FLACC1: variants seen among roughly 807,000 people sequenced by gnomAD.
FLACC1 encodes the protein flagellum associated containing coiled-coil domains 1.
Under a neutral mutation model 62.8 loss-of-function variants are expected in FLACC1, and 66 were observed. The ratio of observed to expected loss-of-function variants is 1.05; its 90% CI spans 0.86 to 1.29. The LOEUF (loss-of-function observed/expected upper bound fraction) is 1.29, where lower values mean the gene tolerates loss of function less well. Ranked by LOEUF, FLACC1 falls within the 50% of genes most tolerant of loss-of-function variation. The pLI, the probability that FLACC1 is intolerant of heterozygous loss-of-function variation, is 0.00. For synonymous variants in FLACC1, 156 were observed against 161.0 expected (o/e 0.97, Z 0.24); for missense variants, 452 against 489.1 (o/e 0.92, Z 0.71).
At chr2:201,340,018 T>C (rs10197246) in intron 7 of FLACC1, among the ~76,000 whole-genome samples, 109,843 of 151,954 alleles carry the variant, frequency 0.72, 40,063 homozygotes, top group South Asian at 0.83. Flanking sequence ...TTGGGTGGTC[T>C]TGTCCTCAGG....
intron 10 of FLACC1, 75 bp from the exon 11 acceptor site, chr2:201,307,697 T>A: frequency 1.8e-6 from 2 of 1,106,800 alleles, no homozygotes; most frequent in Non-Finnish European, 2.8e-6. Flanking sequence ...CCAGAATATC[T>A]AAAGATAAAA....
Position 201,307,605 on chromosome 2 carries a change from T to G in FLACC1, c.793A>C (p.Lys265Gln). 1 of 1,614,008 alleles carries G rather than the reference T, an allele frequency of 6.2e-7. No individual in the cohort carries two copies. The highest frequency in any genetic ancestry group is 8.5e-7 in the Non-Finnish European group (1 of 1,179,842). ...LLQQKKKMTK[K>Q]FEMESGEEDK... ...TCTTCTCCTGACTCCATTTCGAATT[T>G]TTTGGTCATCTTTTTTTCTGTGGAA... Residue 265 changes from lysine (K) to glutamine (Q), a missense_variant, in exon 11 of 15, where the codon AAA becomes CAA. Physicochemically the swap from Lys to Gln is moderately conservative, Grantham distance 53 (BLOSUM62 1). This residue lies in a region of FLACC1 where 301 missense variants were observed against 318.4 expected (regional missense o/e 0.95). Coordinates refer to ENST00000392257, the MANE Select transcript of FLACC1 (RefSeq NM_001127391.3).
At chr2:201,350,940 C>T (rs1006295024) in intron 2 of FLACC1, among the ~76,000 whole-genome samples, 158 bp from the exon 3 acceptor site, 2 of 152,168 alleles carry the variant, frequency 1.3e-5, no homozygotes, top group Admixed American at 6.5e-5. Context: ...AAACTCAGGC[C>T]CAAGGCCCTG....
At chr2:201,344,904 TCTAA>T (rs1342478572) in intron 5 of FLACC1, among the ~76,000 whole-genome samples, 1 of 152,194 alleles carries the variant, frequency 6.6e-6, no homozygotes, top group Non-Finnish European at 1.5e-5. Context: ...ACTTTGCATG[TCTAA>T]CTGAGCACAG....
chr2:201,332,098 T>C (rs1460339229), intron 7 of FLACC1, among the ~76,000 whole-genome samples: 9 of 152,134 alleles, frequency 5.9e-5, no homozygotes, highest in Non-Finnish European at 1.2e-4. Context: ...GTGCTGTCTC[T>C]CCACCAGGAT....
Position 201,342,364 on chromosome 2 carries a change from G to A in FLACC1, c.524+6C>T, listed in dbSNP as rs779442581. On this transcript the variant is annotated splice_donor_region_variant and intron_variant, in intron 7 of 14. Coordinates refer to ENST00000392257, the MANE Select transcript of FLACC1 (RefSeq NM_001127391.3). Reference sequence around the variant, plus strand: ...CACACACAAGGGTCCATGCCAGAAAGTGTACCTGTTCTTGTTTTCAAAGTT... The same window carrying A: ...CACACACAAGGGTCCATGCCAGAAAATGTACCTGTTCTTGTTTTCAAAGTT... 3 of 1,613,972 alleles carry A rather than the reference G, an allele frequency of 1.9e-6. No individual in the cohort carries two copies. In the African/African-American group the frequency reaches 4.0e-5, roughly 22 times the overall value.
rs543939464 is a variant in FLACC1, at chr2:201,311,023, C to T, written c.676-1773G>A. ...ATCATTATGAACATCTGTATGCATA[C>T]AAACAAGAAAATCTAGAGGAAATGG... On this transcript the variant is annotated intron_variant, in intron 9 of 14. Coordinates refer to ENST00000392257, the MANE Select transcript of FLACC1 (RefSeq NM_001127391.3). 2.6e-5 allele frequency among the ~76,000 whole-genome samples: 4 copies of T among 151,858 alleles called. No homozygotes were observed. The South Asian group carries it at 8.3e-4, about 32-fold the overall frequency.
At chr2:201,362,918 C>A in the FLACC1 span, among the ~76,000 whole-genome samples, 11 of 152,138 alleles carry the variant, frequency 7.2e-5, no homozygotes, top group Non-Finnish European at 1.6e-4. Flanking sequence ...TGCTCTCCCG[C>A]TTTGCAGGCC....
At chr2:201,339,625 A>AT (rs969460241) in intron 7 of FLACC1, among the ~76,000 whole-genome samples, 2 of 151,710 alleles carry the variant, frequency 1.3e-5, no homozygotes, top group African/African-American at 4.8e-5. Context: ...GTTTCAAGAA[A>AT]TTTTTTTTAT....
At chr2:201,289,366 A>C (rs565600554) in intron 14 of FLACC1, 91 bp downstream of exon 14, 2 of 1,175,298 alleles carry the variant, frequency 1.7e-6, no homozygotes, top group African/African-American at 1.5e-5. Context: ...ACTAGGGAGC[A>C]GTTGGTCTAT....
intron 7 of FLACC1, among the ~76,000 whole-genome samples, chr2:201,332,201 T>C (rs1950608081): frequency 6.6e-6 from 1 of 152,044 alleles, no homozygotes; most frequent in Admixed American, 6.6e-5. Context: ...TGTGGAATAA[T>C]GAAACCAAAC....
chr2:201,363,662 G>T, the FLACC1 span, among the ~76,000 whole-genome samples: 1 of 152,086 alleles, frequency 6.6e-6, no homozygotes, highest in Non-Finnish European at 1.5e-5. Flanking sequence ...CCATGCTCAG[G>T]CAGATCTCTA....
chr2:201,336,676 G>A (rs1324710405), intron 7 of FLACC1, among the ~76,000 whole-genome samples: 2 of 152,150 alleles, frequency 1.3e-5, no homozygotes, highest in Non-Finnish European at 1.5e-5. Flanking sequence ...GAAATATCCA[G>A]TAGTTGAATT....
intron 3 of FLACC1, 93 bp downstream of exon 3, chr2:201,350,618 T>C (rs1576480301): frequency 9.4e-7 from 1 of 1,063,164 alleles, no homozygotes; most frequent in Non-Finnish European, 1.4e-6. Flanking sequence ...GAGGCAGAGG[T>C]TGCAGTGAGC....
chr2:201,335,812 A>G (rs1950684354), intron 7 of FLACC1, among the ~76,000 whole-genome samples: 1 of 152,182 alleles, frequency 6.6e-6, no homozygotes, highest in African/African-American at 2.4e-5. Context: ...TGAACATGGA[A>G]TATCTTTCCA....
chr2:201,311,665 C>T (rs1331547687), intron 9 of FLACC1, among the ~76,000 whole-genome samples: 1 of 146,252 alleles, frequency 6.8e-6, no homozygotes, highest in Non-Finnish European at 1.5e-5. Context: ...TGTGCTGCTG[C>T]ACTCCAGCCC....
intron 9 of FLACC1, among the ~76,000 whole-genome samples, chr2:201,314,816 T>C (rs1950280446): frequency 6.6e-6 from 1 of 152,176 alleles, no homozygotes; most frequent in Non-Finnish European, 1.5e-5. Context: ...AAGGAAAACC[T>C]ATCAGACTAA....
In FLACC1 at chr2:201,347,824, G is replaced by A. The variant is rs78304241; in HGVS notation, c.234+430C>T. On this transcript the variant is annotated intron_variant, in intron 4 of 14. Transcript: ENST00000392257. ...CCACACTCCCAGGCAGGCGTCAAGA[G>A]CCTTCGAGTTTGGTTCTCATCACCT... Among the ~76,000 whole-genome samples, 142 of 152,310 alleles carry A rather than the reference G, an allele frequency of 9.3e-4. 2 individuals carry two copies. The East Asian group carries it at 0.025, about 27-fold the overall frequency.
intron 1 of FLACC1, among the ~76,000 whole-genome samples, chr2:201,355,007 T>C (rs1204409610): frequency 2.0e-5 from 3 of 152,118 alleles, no homozygotes; most frequent in Non-Finnish European, 4.4e-5. Context: ...GAGAAAAAGA[T>C]GGTATGGTGG....
Sources: allele counts gnomAD v4.1 joint callset (sites outside exome capture counted in the v4.1 genomes callset), GRCh38; gene constraint gnomAD v4.1.1; regional missense constraint gnomAD v4.1.1; transcripts MANE v1.5; gene names NCBI Gene and HGNC (gene_info 2026-07-23, HGNC 2026-07-21).